Variants in PALM2AKAP2 observed in about 807,000 individuals in gnomAD.
The protein encoded by PALM2AKAP2 is PALM2 and AKAP2 fusion.
A neutral mutation model predicts 71.5 loss-of-function variants in PALM2AKAP2; 37 were observed. That is an observed-to-expected ratio of 0.52 (90% confidence interval 0.40 to 0.68). The LOEUF is 0.68. PALM2AKAP2 is among the 30% of genes least tolerant of loss of function. PALM2AKAP2 has a pLI of 0.00. For missense variants in PALM2AKAP2, 1,224 were observed against 1,191.8 expected, an observed-to-expected ratio of 1.03 and a Z score of -0.40; for synonymous variants, 468 against 478.8, an observed-to-expected ratio of 0.98 and a Z score of 0.29.
At chr9:109,743,286 T>C (rs1828744612) in intron 1 of PALM2AKAP2, among the ~76,000 whole-genome samples, 1 of 152,208 alleles carries the variant, frequency 6.6e-6, no homozygotes. Context: ...ATGGCAGAAG[T>C]ATTCTACATG....
In PALM2AKAP2 at chr9:109,691,833, GATATATAT is replaced by G. The variant is rs1185965530; in HGVS notation, c.5+50995_5+51002del. ...TATCAATTTTCCAATCCAGAAAGAC[GATATATAT>G]ATATATATATATATATATATATATA... is the stretch of plus-strand genomic sequence containing the variant. On this transcript the variant is annotated intron_variant, in intron 1 of 6. Transcript: ENST00000374531. Among the ~76,000 whole-genome samples the G allele has an allele frequency of 6.1e-4, 22 of 36,040 alleles. 1 individual carries two copies. Among genetic ancestry groups the G allele is most frequent in the East Asian group, 2.8e-3 (4 of 1,454 alleles). 23.6% of individuals were successfully genotyped at this position (36,040 alleles called of 152,430 possible). A position where few individuals can be genotyped will look rare whatever the true frequency, so the allele number is the denominator to read the frequency against.
At position 110,023,911 on chromosome 9, in the gene PALM2AKAP2, T is replaced by G. The variant is rs896776854; in HGVS notation, c.582+7872T>G. Among the ~76,000 whole-genome samples, 5 of 152,192 alleles carry G rather than the reference T, an allele frequency of 3.3e-5. No individual in the cohort carries two copies. The South Asian group carries it at 1.0e-3, about 32-fold the overall frequency. ...GGAGGCAAGAGATGGGAAGATCGCT[T>G]GAGCCCAGGGAGATTGAGGCTGCAG... On this transcript the variant is annotated intron_variant, in intron 7 of 9. Coordinates refer to the PALM2AKAP2 transcript ENST00000302798.
chr9:109,956,414 G>T (rs1377197605), intron 6 of PALM2AKAP2, among the ~76,000 whole-genome samples: 1 of 152,126 alleles, frequency 6.6e-6, no homozygotes, highest in South Asian at 2.1e-4. Context: ...TTCAGGCCAG[G>T]GTTCTTAGGT....
At chr9:110,118,704 T>C (rs958785792) in intron 1 of PALM2AKAP2, among the ~76,000 whole-genome samples, 4 of 152,176 alleles carry the variant, frequency 2.6e-5, no homozygotes, top group Non-Finnish European at 4.4e-5. Flanking sequence ...TATTCTAACA[T>C]TGGAAAGGTG....
chr9:110,136,501 C>T (rs529639686), exon 2 of PALM2AKAP2: 15 of 1,613,922 alleles, frequency 9.3e-6, no homozygotes, highest in East Asian at 8.9e-5. Context: ...TTCTGGTGGG[C>T]GGCCTAAGCC....
intron 3 of PALM2AKAP2, among the ~76,000 whole-genome samples, chr9:110,156,943 A>G (rs1222308108): frequency 6.6e-6 from 1 of 152,164 alleles, no homozygotes; most frequent in Non-Finnish European, 1.5e-5. Flanking sequence ...ATCCCTAACA[A>G]TGTTACAGTG....
At chr9:109,852,335 A>G (rs1829042553) in intron 1 of PALM2AKAP2, among the ~76,000 whole-genome samples, 1 of 152,050 alleles carries the variant, frequency 6.6e-6, no homozygotes, top group Non-Finnish European at 1.5e-5. Context: ...TTTAGCTCCC[A>G]CTTACAAGTC....
At chr9:110,117,938 T>C (rs1453385737) in intron 1 of PALM2AKAP2, among the ~76,000 whole-genome samples, 1 of 149,778 alleles carries the variant, frequency 6.7e-6, no homozygotes, top group African/African-American at 2.5e-5. Context: ...AGTGTATATA[T>C]ATAGTGTAAG....
intron 6 of PALM2AKAP2, among the ~76,000 whole-genome samples, chr9:110,014,896 A>AATG (rs1832953251): frequency 7.2e-6 from 1 of 138,368 alleles, no homozygotes; most frequent in African/African-American, 2.7e-5. Context: ...ACTTTTCACC[A>AATG]ATGTAGATCA....
chr9:109,682,007 G>A (rs990758504), intron 1 of PALM2AKAP2, among the ~76,000 whole-genome samples: 2 of 152,174 alleles, frequency 1.3e-5, no homozygotes, highest in African/African-American at 4.8e-5. Flanking sequence ...TTTGCTGTTG[G>A]ATTCAGTGGT....
intron 6 of PALM2AKAP2, among the ~76,000 whole-genome samples, chr9:109,998,291 T>C (rs1480933152): frequency 2.0e-5 from 3 of 152,172 alleles, no homozygotes; most frequent in Non-Finnish European, 4.4e-5. Context: ...TGACAACTTA[T>C]TTTCCAACTC....
At chr9:110,075,458 A>C (rs1267512980) in intron 1 of PALM2AKAP2, among the ~76,000 whole-genome samples, 1 of 152,204 alleles carries the variant, frequency 6.6e-6, no homozygotes, top group Non-Finnish European at 1.5e-5. Context: ...AAATGTAGAC[A>C]TAAAAAACTA....
chr9:110,075,025 AG>A (rs1300035567), intron 1 of PALM2AKAP2, among the ~76,000 whole-genome samples: 6 of 151,288 alleles, frequency 4.0e-5, no homozygotes, highest in Admixed American at 3.9e-4. Flanking sequence ...AAAAAGAAAA[AG>A]AAAAAAAAAA....
At chr9:109,903,150 G>C (rs554927922) in intron 3 of PALM2AKAP2, among the ~76,000 whole-genome samples, 1 of 152,270 alleles carries the variant, frequency 6.6e-6, no homozygotes, top group Admixed American at 6.5e-5. Context: ...TGCCGGAGAA[G>C]CATGGTGAGC....
intron 1 of PALM2AKAP2, among the ~76,000 whole-genome samples, chr9:109,766,417 G>C (rs933531492): frequency 1.3e-5 from 2 of 152,188 alleles, no homozygotes; most frequent in Non-Finnish European, 2.9e-5. Flanking sequence ...AAATGGGAAT[G>C]ACTGACAGGC....
chr9:109,856,949 C>T (rs975872038), intron 1 of PALM2AKAP2, among the ~76,000 whole-genome samples: 5 of 152,204 alleles, frequency 3.3e-5, no homozygotes, highest in Non-Finnish European at 5.9e-5. Flanking sequence ...TTTCCAACCA[C>T]GACAGCTATG....
At chr9:109,872,566 T>C (rs1829628275) in intron 2 of PALM2AKAP2, among the ~76,000 whole-genome samples, 1 of 152,230 alleles carries the variant, frequency 6.6e-6, no homozygotes, top group African/African-American at 2.4e-5. Context: ...CGGGGAACCC[T>C]CACTAGAGTT....
intron 1 of PALM2AKAP2, among the ~76,000 whole-genome samples, chr9:110,135,256 G>A (rs1181789918): frequency 2.0e-5 from 2 of 100,838 alleles, no homozygotes; most frequent in East Asian, 5.8e-4. Flanking sequence ...AGCCGAGATG[G>A]CACACTGCAC....
chr9:109,928,077 G>C (rs1830996554), intron 5 of PALM2AKAP2, among the ~76,000 whole-genome samples: 1 of 152,116 alleles, frequency 6.6e-6, no homozygotes, highest in Non-Finnish European at 1.5e-5. Context: ...TCAATCTTCA[G>C]TTGCCTGTAA....
Sources: gnomAD v4.1 joint callset for allele counts (sites outside exome capture counted in the v4.1 genomes callset) on GRCh38, gnomAD v4.1.1 for gene constraint, MANE v1.5 for transcripts, NCBI Gene and HGNC (gene_info 2026-07-23, HGNC 2026-07-21) for gene names.